Variants in KCNMA1 observed in about 807,000 individuals in gnomAD.
KCNMA1 encodes potassium calcium-activated channel subfamily M alpha 1, also known as Calcium-activated potassium channel subunit alpha-1.
A neutral mutation model predicts 140.0 loss-of-function variants in KCNMA1; 29 were observed. That is an observed-to-expected ratio of 0.21 (90% CI 0.15 to 0.28). The LOEUF (loss-of-function observed/expected upper bound fraction) is 0.28. Ranked by LOEUF, KCNMA1 falls within the 10% of genes least tolerant of loss-of-function variation. KCNMA1 has a pLI of 1.00. For missense variants in KCNMA1, 880 were observed against 1,602.2 expected (o/e 0.55, Z 7.70); for synonymous variants, 612 against 611.9 (o/e 1.00, Z 0.00).
At chr10:77,380,870 A>C (rs1379986350) in intron 2 of KCNMA1, among the ~76,000 whole-genome samples, 1 of 152,226 alleles carries the variant, frequency 6.6e-6, no homozygotes, top group East Asian at 1.9e-4. Flanking sequence ...ACCTTAGTGG[A>C]TGTGGTGAAA....
rs144680752 is a variant in KCNMA1, at chr10:77,146,386, G to A, written c.809-25338C>T. On this transcript the variant is annotated intron_variant, in intron 5 of 27. Coordinates refer to ENST00000286628, the MANE Select transcript of KCNMA1 (RefSeq NM_001161352.2). ...CTGGCTGCTTATATGAAACCTGAAT[G>A]TCTATGACTGCATGTAAAAAATAAA... is the stretch of plus-strand genomic sequence containing the variant. 4.3e-3 allele frequency among the ~76,000 whole-genome samples: 662 copies of A among 152,208 alleles called. 7 individuals are homozygous for A. Among genetic ancestry groups the A allele is most frequent in the African/African-American group, 0.015 (624 of 41,554 alleles).
chr10:77,468,397 G>T (rs894761093), intron 1 of KCNMA1, among the ~76,000 whole-genome samples: 1 of 152,150 alleles, frequency 6.6e-6, no homozygotes, highest in Admixed American at 6.5e-5. Flanking sequence ...AAGTCCTAAT[G>T]CCCAGTACCT....
At chr10:77,184,289 A>G (rs1319786317) in intron 4 of KCNMA1, among the ~76,000 whole-genome samples, 1 of 152,102 alleles carries the variant, frequency 6.6e-6, no homozygotes, top group Non-Finnish European at 1.5e-5. Context: ...GCGTGATTTC[A>G]GCTCACTGCA....
chr10:77,442,279 A>G (rs749411203), intron 1 of KCNMA1, among the ~76,000 whole-genome samples: 1 of 151,912 alleles, frequency 6.6e-6, no homozygotes, highest in Non-Finnish European at 1.5e-5. Flanking sequence ...CAGAGCCAGG[A>G]GGTGAGCAGA....
intron 1 of KCNMA1, among the ~76,000 whole-genome samples, chr10:77,588,853 T>C (rs982000156): frequency 1.3e-5 from 2 of 152,226 alleles, no homozygotes; most frequent in African/African-American, 4.8e-5. Flanking sequence ...ATTGAGTGCC[T>C]ACTACCAGCA....
In KCNMA1 at chr10:77,523,211, C is replaced by CCCT. The variant is rs1555416287; in HGVS notation, c.378+114051_378+114053dup. On this transcript the variant is annotated intron_variant, in intron 1 of 27. Transcript: ENST00000286628. ...TACTCAACCTTGGACGTGCCCCCCC[C>CCCT]CCTTGCAATCACACCACAGAACCGC... 2.7e-5 allele frequency among the ~76,000 whole-genome samples: 4 copies of CCCT among 150,364 alleles called. No homozygotes were observed. In the East Asian group the frequency reaches 6.0e-4, roughly 23 times the overall value.
At chr10:77,582,945 T>C (rs1047393802) in intron 1 of KCNMA1, among the ~76,000 whole-genome samples, 1 of 152,210 alleles carries the variant, frequency 6.6e-6, no homozygotes. Flanking sequence ...ACCAGCCCCA[T>C]CCGCCAATAG....
chr10:77,404,777 C>CT (rs1214588570), intron 1 of KCNMA1, among the ~76,000 whole-genome samples: 5 of 152,130 alleles, frequency 3.3e-5, no homozygotes, highest in African/African-American at 1.2e-4. Context: ...CTCACATTGG[C>CT]TCCAACATTG....
intron 5 of KCNMA1, among the ~76,000 whole-genome samples, chr10:77,162,174 A>G (rs1352788210): frequency 6.6e-6 from 1 of 152,224 alleles, no homozygotes; most frequent in Non-Finnish European, 1.5e-5. Flanking sequence ...TAATCCTATG[A>G]GCAAAGACCT....
intron 19 of KCNMA1, among the ~76,000 whole-genome samples, chr10:76,986,284 A>G (rs2081256416): frequency 6.6e-6 from 1 of 152,238 alleles, no homozygotes; most frequent in Admixed American, 6.5e-5. Context: ...ACACATACAC[A>G]ATTTTGTTAT....
intron 16 of KCNMA1, chr10:77,019,315 T>C: frequency 1.8e-6 from 1 of 556,856 alleles, no homozygotes; most frequent in African/African-American, 1.9e-5. Flanking sequence ...CAGGCTGGCA[T>C]GCTCCCAGTT....
chr10:77,497,327 G>T (rs562488519), intron 1 of KCNMA1, among the ~76,000 whole-genome samples: 1 of 152,326 alleles, frequency 6.6e-6, no homozygotes, highest in South Asian at 2.1e-4. Context: ...CAGTAGACAT[G>T]ATGGTTCATG....
intron 2 of KCNMA1, among the ~76,000 whole-genome samples, chr10:77,285,206 A>C (rs1251225045): frequency 6.6e-6 from 1 of 152,252 alleles, no homozygotes; most frequent in Non-Finnish European, 1.5e-5. Context: ...TTTAGAAAGC[A>C]TACATTATCT....
intron 3 of KCNMA1, among the ~76,000 whole-genome samples, chr10:77,197,980 G>C (rs1485958908): frequency 6.6e-6 from 1 of 152,284 alleles, no homozygotes; most frequent in Admixed American, 6.5e-5. Flanking sequence ...GAGACAGAGG[G>C]AAGGTGAGGA....
chr10:77,096,108 T>C (rs72805526), intron 9 of KCNMA1, among the ~76,000 whole-genome samples: 9,069 of 152,266 alleles, frequency 0.06, 382 homozygotes, highest in Non-Finnish European at 0.091. Flanking sequence ...AGCACCTTTC[T>C]TCTCTTTGAT....
chr10:77,187,051 T>C (rs1207394130), intron 3 of KCNMA1, among the ~76,000 whole-genome samples: 1 of 152,176 alleles, frequency 6.6e-6, no homozygotes, highest in African/African-American at 2.4e-5. Flanking sequence ...ACAGTCGTTA[T>C]TGGTGGAGTT....
At chr10:76,972,906 T>A (rs1315791878) in intron 19 of KCNMA1, 1 of 152,220 alleles carries the variant, frequency 6.6e-6, no homozygotes. Flanking sequence ...TTTATATGGA[T>A]CCTATCAATT....
At chr10:77,113,814 T>C (rs1175589247) in intron 6 of KCNMA1, among the ~76,000 whole-genome samples, 1 of 152,198 alleles carries the variant, frequency 6.6e-6, no homozygotes, top group Non-Finnish European at 1.5e-5. Context: ...GTTTACAACA[T>C]GATATTACCT....
At chr10:77,015,067 T>C (rs898564669) in intron 17 of KCNMA1, among the ~76,000 whole-genome samples, 2 of 152,134 alleles carry the variant, frequency 1.3e-5, no homozygotes, top group African/African-American at 4.8e-5. Flanking sequence ...TCCTCTCCTC[T>C]CCACTTGCTC....
Sources: gnomAD v4.1 joint callset for allele counts (sites outside exome capture counted in the v4.1 genomes callset) on GRCh38, gnomAD v4.1.1 for gene constraint, MANE v1.5 for transcripts, NCBI Gene and HGNC (gene_info 2026-07-23, HGNC 2026-07-21) for gene names.